Variants in PCBP3 observed in about 807,000 individuals in gnomAD.
PCBP3 encodes poly(rC) binding protein 3.
In PCBP3, 25 loss-of-function variants were observed where a neutral mutation model predicts 52.7. The observed-to-expected ratio is 0.47, with a 90% CI of 0.35 to 0.66. The LOEUF (loss-of-function observed/expected upper bound fraction) is 0.66. PCBP3 is among the 30% of genes least tolerant of loss of function. PCBP3 has a pLI of 0.01. For missense variants in PCBP3, 391 were observed against 490.3 expected (o/e 0.80, Z 1.91); for synonymous variants, 162 against 183.0 (o/e 0.89, Z 0.93).
intron 9 of PCBP3, among the ~76,000 whole-genome samples, chr21:45,903,140 C>T (rs1470339203): frequency 1.3e-5 from 2 of 152,038 alleles, no homozygotes; most frequent in African/African-American, 4.8e-5. Context: ...TGACTGGTCC[C>T]AAGGAAGCAG....
At chr21:45,869,826 C>A (rs781211150) in intron 5 of PCBP3, among the ~76,000 whole-genome samples, 2 of 152,374 alleles carry the variant, frequency 1.3e-5, no homozygotes, top group East Asian at 1.9e-4. Flanking sequence ...GATCACAGAG[C>A]TGCGTATGCA....
At chr21:45,935,687 A>G (rs532710920) in intron 16 of PCBP3, among the ~76,000 whole-genome samples, 2 of 152,318 alleles carry the variant, frequency 1.3e-5, no homozygotes, top group South Asian at 4.1e-4. Context: ...TATTATCTCC[A>G]TGGGCCCTGG....
At chr21:45,686,873 A>G (rs556395600) in intron 2 of PCBP3, among the ~76,000 whole-genome samples, 1 of 152,300 alleles carries the variant, frequency 6.6e-6, no homozygotes, top group South Asian at 2.1e-4. Context: ...AAAGAGCTTC[A>G]GTGACCTGTG....
rs111586844 is a variant in PCBP3, at chr21:45,898,599, G to A, written c.166-1000G>A. ...TCACAGCCTCCCTCTCCCTCCACGG[G>A]CCCCTCTACACACCGTCCTCACGGC... On this transcript the variant is annotated intron_variant, in intron 6 of 17. Coordinates refer to ENST00000681687, the MANE Select transcript of PCBP3 (RefSeq NM_001384156.1). Among the ~76,000 whole-genome samples, 48 of 60,194 alleles carry A rather than the reference G, an allele frequency of 8.0e-4. 6 individuals carry two copies. The South Asian group carries it at 0.022, about 27-fold the overall frequency. 39.5% of individuals were successfully genotyped at this position (60,194 alleles called of 152,430 possible).
At position 45,817,533 on chromosome 21, in the gene PCBP3, A is replaced by G. The variant is rs987208838; in HGVS notation, c.-125-32428A>G. On this transcript the variant is annotated intron_variant, in intron 4 of 17. Transcript: ENST00000681687. The surrounding 1 kb of genome is among the most constrained non-coding windows in gnomAD (Gnocchi z 4.3). ...TATTCCAGCTGCTGCCGCAGCCCCC[A>G]TGCTTGCCTTTTGTCCTCAGCCCCC... Among the ~76,000 whole-genome samples the G allele has an allele frequency of 6.6e-6, 1 of 152,044 alleles. No individual in the cohort carries two copies. Among genetic ancestry groups the G allele is most frequent in the Non-Finnish European group, 1.5e-5 (1 of 68,002 alleles).
intron 5 of PCBP3, among the ~76,000 whole-genome samples, chr21:45,895,950 C>T (rs756159141): frequency 3.3e-5 from 5 of 152,248 alleles, no homozygotes; most frequent in African/African-American, 9.6e-5. Flanking sequence ...ATGCAGACCT[C>T]GGCCAGGGGC....
At chr21:45,810,674 A>G (rs1053237780) in intron 4 of PCBP3, among the ~76,000 whole-genome samples, 5 of 152,158 alleles carry the variant, frequency 3.3e-5, no homozygotes, top group Non-Finnish European at 7.3e-5. Context: ...AACCAGAGTT[A>G]TGCTTGGTTT....
chr21:45,883,731 C>T (rs1222242322), intron 5 of PCBP3, among the ~76,000 whole-genome samples: 3 of 152,182 alleles, frequency 2.0e-5, no homozygotes, highest in South Asian at 2.1e-4. Context: ...TTGCACGATA[C>T]GCCTTTTCCC....
intron 5 of PCBP3, among the ~76,000 whole-genome samples, chr21:45,850,656 A>T (rs543289825): frequency 3.2e-4 from 48 of 152,356 alleles, no homozygotes; most frequent in African/African-American, 1.1e-3. Context: ...GTCACCAAAA[A>T]ATAAACGGGA....
intron 4 of PCBP3, among the ~76,000 whole-genome samples, chr21:45,819,168 G>C (rs1167434399): frequency 6.6e-6 from 1 of 152,156 alleles, no homozygotes; most frequent in Non-Finnish European, 1.5e-5. Context: ...GGGGGGTGGT[G>C]ATGTGCCCAC....
chr21:45,801,628 T>G (rs766320552), intron 4 of PCBP3, among the ~76,000 whole-genome samples: 1 of 112,024 alleles, frequency 8.9e-6, no homozygotes, highest in Non-Finnish European at 2.1e-5. Context: ...CAGCCGCACT[T>G]GTTGTGACAT....
intron 4 of PCBP3, among the ~76,000 whole-genome samples, chr21:45,767,633 C>T (rs1349062979): frequency 6.6e-6 from 1 of 152,184 alleles, no homozygotes; most frequent in African/African-American, 2.4e-5. Flanking sequence ...CACTGTTTTG[C>T]CTTCTTGAGG....
intron 4 of PCBP3, among the ~76,000 whole-genome samples, chr21:45,831,594 A>G (rs1349053964): frequency 2.0e-5 from 3 of 152,304 alleles, no homozygotes; most frequent in East Asian, 1.9e-4. Flanking sequence ...TACACTGGAA[A>G]GCACTGCACT....
At chr21:45,699,987 C>CAGT (rs2083014263) in intron 2 of PCBP3, among the ~76,000 whole-genome samples, 1 of 152,218 alleles carries the variant, frequency 6.6e-6, no homozygotes, top group African/African-American at 2.4e-5. Flanking sequence ...TCCCCAAAGT[C>CAGT]TTAACTCATT....
At position 45,737,485 on chromosome 21, in the gene PCBP3, A is replaced by G. The variant is rs773456156; in HGVS notation, c.-162+2056A>G. Among the ~76,000 whole-genome samples the G allele has an allele frequency of 8.5e-5, 13 of 152,290 alleles. No individual in the cohort carries two copies. The highest frequency in any genetic ancestry group is 4.1e-4 in the South Asian group (2 of 4,828). On this transcript the variant is annotated intron_variant, in intron 3 of 17. Transcript: ENST00000681687. The surrounding 1 kb of genome is among the most constrained non-coding windows in gnomAD (Gnocchi z 4.9). ...TTCTCTTCGACTTTGGTGTTGTCCA[A>G]ATTCTTCTGAGCCTAACTGTAGGCT...
intron 1 of PCBP3, among the ~76,000 whole-genome samples, chr21:45,666,767 C>T (rs2080824259): frequency 6.7e-6 from 1 of 149,648 alleles, no homozygotes. Context: ...CTTGCTCTGT[C>T]TCCAGACTGG....
At chr21:45,833,217 T>C (rs538969083) in intron 4 of PCBP3, among the ~76,000 whole-genome samples, 114 of 152,354 alleles carry the variant, frequency 7.5e-4, no homozygotes, top group Non-Finnish European at 1.2e-3. Flanking sequence ...TAAATAACTA[T>C]GTTACATAGT....
chr21:45,941,470 G>T (rs143769254), intron 17 of PCBP3, among the ~76,000 whole-genome samples, 200 bp from the exon 18 acceptor site: 2 of 152,196 alleles, frequency 1.3e-5, no homozygotes, highest in Non-Finnish European at 2.9e-5. Context: ...CACACCTGAC[G>T]TGGTGATGGG....
At chr21:45,929,842 A>G in intron 13 of PCBP3, 75 bp from the exon 14 acceptor site, 1 of 1,074,566 alleles carries the variant, frequency 9.3e-7, no homozygotes, top group Admixed American at 1.7e-5. Flanking sequence ...AAGTTCTGTT[A>G]CTGCCGTTTT....
Sources: allele counts gnomAD v4.1 joint callset (sites outside exome capture counted in the v4.1 genomes callset), GRCh38; gene constraint gnomAD v4.1.1; non-coding constraint Gnocchi (gnomAD v3.1); transcripts MANE v1.5; gene names NCBI Gene and HGNC (gene_info 2026-07-23, HGNC 2026-07-21).